Variants in ADAMTS6 observed in about 807,000 individuals in gnomAD.
ADAMTS6 encodes the protein A disintegrin and metalloproteinase with thrombospondin motifs 6.
In ADAMTS6, 23 loss-of-function variants were observed where a neutral mutation model predicts 144.3. The observed-to-expected ratio is 0.16, with a 90% CI of 0.11 to 0.23. The LOEUF (loss-of-function observed/expected upper bound fraction) is 0.23, where lower values mean the gene tolerates loss of function less well. Ranked by LOEUF, ADAMTS6 falls within the 10% of genes least tolerant of loss-of-function variation. The probability of loss-of-function intolerance (pLI) is 1.00; values close to 1 mark genes in which losing one functional copy is unlikely to be tolerated. For synonymous variants in ADAMTS6, 444 were observed against 457.5 expected (o/e 0.97, Z 0.38); for missense variants, 999 against 1,379.6 (o/e 0.72, Z 4.37).
chr5:65,334,247 A>G (rs1299956547), intron 7 of ADAMTS6, among the ~76,000 whole-genome samples, 162 bp from the exon 8 acceptor site: 1 of 152,128 alleles, frequency 6.6e-6, no homozygotes, highest in Admixed American at 6.5e-5. Context: ...GTGCTGAGGG[A>G]CACCACAGGC....
chr5:65,228,411 A>G (rs1027967725), intron 15 of ADAMTS6, among the ~76,000 whole-genome samples: 3 of 152,224 alleles, frequency 2.0e-5, no homozygotes, highest in Non-Finnish European at 4.4e-5. Flanking sequence ...AGATGTGTTC[A>G]GCTTCTTCTG....
At chr5:65,275,404 AAAGAAAG>A (rs1418586781) in intron 11 of ADAMTS6, among the ~76,000 whole-genome samples, 191 of 135,394 alleles carry the variant, frequency 1.4e-3, no homozygotes, top group African/African-American at 4.4e-3. Flanking sequence ...AGAAAGAAAG[AAAGAAAG>A]AAAGAAAAGA....
intron 3 of ADAMTS6, among the ~76,000 whole-genome samples, chr5:65,462,455 A>T (rs1021868333): frequency 6.6e-6 from 1 of 152,204 alleles, no homozygotes; most frequent in Non-Finnish European, 1.5e-5. Context: ...CAGAGATTTT[A>T]TATGTTAGGT....
At chr5:65,301,493 G>A (rs2112803620) in intron 9 of ADAMTS6, among the ~76,000 whole-genome samples, 1 of 152,286 alleles carries the variant, frequency 6.6e-6, no homozygotes, top group South Asian at 2.1e-4. Context: ...GAGTCCTCTT[G>A]GCAGCATAGA....
Position 65,262,456 on chromosome 5 carries a change from C to A in ADAMTS6, c.1766+361G>T, listed in dbSNP as rs1328136544. Among the ~76,000 whole-genome samples the A allele has an allele frequency of 3.9e-5, 6 of 152,030 alleles. No homozygotes were observed. The East Asian group carries it at 1.2e-3, about 29-fold the overall frequency. On this transcript the variant is annotated intron_variant, in intron 13 of 24. Coordinates refer to ENST00000381055, the MANE Select transcript of ADAMTS6 (RefSeq NM_197941.4). ...TAATTTTATGTGACATGTGAAAAGA[C>A]CTTAGGTTTCCTGGGAATAATAGTA...
chr5:65,344,403 A>T (rs1465271960), intron 7 of ADAMTS6, among the ~76,000 whole-genome samples: 1 of 151,966 alleles, frequency 6.6e-6, no homozygotes, highest in Non-Finnish European at 1.5e-5. Context: ...TACATCCACA[A>T]AAATGGGATA....
chr5:65,286,363 G>A (rs765686409), intron 11 of ADAMTS6, among the ~76,000 whole-genome samples: 4 of 152,094 alleles, frequency 2.6e-5, no homozygotes, highest in Non-Finnish European at 5.9e-5. Flanking sequence ...ATGACACCAT[G>A]TATTAGCTCA....
chr5:65,172,753 T>TA, intron 23 of ADAMTS6, 79 bp downstream of exon 23: 1 of 1,513,192 alleles, frequency 6.6e-7, no homozygotes, highest in Non-Finnish European at 8.9e-7. Flanking sequence ...CTCAAGCCCT[T>TA]ACAATGATCA....
rs750220127 is a variant in ADAMTS6, at chr5:65,224,996, G to C, written c.2119C>G (p.Arg707Gly). 7 of 1,613,982 alleles carry C rather than the reference G, an allele frequency of 4.3e-6. No individual in the cohort carries two copies. Among genetic ancestry groups the C allele is most frequent in the Non-Finnish European group, 4.2e-6 (5 of 1,179,982 alleles). ...LGSDAREDRC[R>G]VCGGDGSTCD... ...GTGCTTCCGTCCCCTCCACAGACTC[G>C]ACATCTATCTTCCCTAGCATCAGAT... is the stretch of plus-strand genomic sequence containing the variant. The change falls in exon 17 of 25, where the codon CGA becomes GGA. Residue 707 changes from arginine to glycine, a missense_variant. This residue lies in a region of ADAMTS6 where 619 missense variants were observed against 837.0 expected (regional missense o/e 0.74). Coordinates refer to ENST00000381055, the MANE Select transcript of ADAMTS6 (RefSeq NM_197941.4).
chr5:65,173,923 T>C (rs1306843775), intron 22 of ADAMTS6, among the ~76,000 whole-genome samples: 1 of 151,294 alleles, frequency 6.6e-6, no homozygotes, highest in African/African-American at 2.4e-5. Flanking sequence ...CTTGGGAGGC[T>C]GAGGCAGGAG....
chr5:65,184,309 C>T (rs1246604137), intron 22 of ADAMTS6, among the ~76,000 whole-genome samples: 1 of 152,234 alleles, frequency 6.6e-6, no homozygotes, highest in East Asian at 1.9e-4. Context: ...CGGGGTTACA[C>T]TGAGTTCTCC....
chr5:65,341,842 A>G (rs1363081516), intron 7 of ADAMTS6, among the ~76,000 whole-genome samples: 8 of 152,100 alleles, frequency 5.3e-5, no homozygotes, highest in Admixed American at 5.2e-4. Flanking sequence ...AACTCATTCT[A>G]TGAGGCCACC....
intron 3 of ADAMTS6, among the ~76,000 whole-genome samples, chr5:65,465,762 G>C (rs1759947147): frequency 6.6e-6 from 1 of 152,158 alleles, no homozygotes; most frequent in Non-Finnish European, 1.5e-5. Flanking sequence ...CTGGCTTCCA[G>C]AACATTTTCC....
chr5:65,358,380 G>A lies in ADAMTS6; in HGVS notation c.1074-24295C>T, dbSNP rs1749536362. 2.6e-5 allele frequency among the ~76,000 whole-genome samples: 4 copies of A among 151,934 alleles called. 1 individual carries two copies. In the South Asian group the frequency reaches 8.3e-4, roughly 31 times the overall value. On this transcript the variant is annotated intron_variant, in intron 7 of 24. Transcript: ENST00000381055. ...ACATCATATTGAGTGGGGAAAAGGT[G>A]AAGGTTTTTCCTCTAAGATCAGGAA... is the stretch of plus-strand genomic sequence containing the variant.
chr5:65,380,079 A>T (rs1323014607), intron 7 of ADAMTS6, among the ~76,000 whole-genome samples: 1 of 152,130 alleles, frequency 6.6e-6, no homozygotes, highest in Non-Finnish European at 1.5e-5. Context: ...CCATGGTGGA[A>T]TAAGTTACAC....
chr5:65,354,275 T>C (rs1749121254), intron 7 of ADAMTS6, among the ~76,000 whole-genome samples: 1 of 151,870 alleles, frequency 6.6e-6, no homozygotes, highest in Non-Finnish European at 1.5e-5. Flanking sequence ...TCTTCCATAA[T>C]AGGGTTCTAA....
chr5:65,193,438 GA>G (rs1755135566), intron 21 of ADAMTS6, among the ~76,000 whole-genome samples: 1 of 151,928 alleles, frequency 6.6e-6, no homozygotes, highest in Non-Finnish European at 1.5e-5. Context: ...AGGCAAAAGA[GA>G]AGTAGTACAA....
At chr5:65,364,564 C>CTTT (rs1245835544) in intron 7 of ADAMTS6, among the ~76,000 whole-genome samples, 18 of 117,850 alleles carry the variant, frequency 1.5e-4, no homozygotes, top group African/African-American at 2.6e-4. Context: ...GAATTTCTTT[C>CTTT]TTTTTTTTTT....
At position 65,442,677 on chromosome 5, in the gene ADAMTS6, A is replaced by G. The variant is rs186944634; in HGVS notation, c.1073+8798T>C. Among the ~76,000 whole-genome samples, 7 of 152,246 alleles carry G rather than the reference A, an allele frequency of 4.6e-5. No homozygotes were observed. In the East Asian group the frequency reaches 1.2e-3, roughly 25 times the overall value. ...TGGAAAATGACATCTAACTATATATATATTTTTATTGATTTCCAGGGTACA... is the reference window on the plus strand; with the variant it reads ...TGGAAAATGACATCTAACTATATATGTATTTTTATTGATTTCCAGGGTACA... On this transcript the variant is annotated intron_variant, in intron 7 of 24. Transcript: ENST00000381055.
Sources: allele counts gnomAD v4.1 joint callset (sites outside exome capture counted in the v4.1 genomes callset), GRCh38; gene constraint gnomAD v4.1.1; regional missense constraint gnomAD v4.1.1; transcripts MANE v1.5; gene names NCBI Gene and HGNC (gene_info 2026-07-23, HGNC 2026-07-21).